PSD4: variants seen among roughly 807,000 people sequenced by gnomAD.
PSD4 encodes pleckstrin and Sec7 domain containing 4.
A neutral mutation model predicts 112.5 loss-of-function variants in PSD4; 59 were observed. That is an observed-to-expected ratio of 0.52 (90% CI 0.43 to 0.65). The LOEUF (loss-of-function observed/expected upper bound fraction) is 0.65. Ranked by LOEUF, PSD4 falls within the 30% of genes least tolerant of loss-of-function variation. The pLI, the probability that PSD4 is intolerant of heterozygous loss-of-function variation, is 0.00. For synonymous variants in PSD4, 533 were observed against 540.0 expected (o/e 0.99, Z 0.18); for missense variants, 1,267 against 1,352.6 (o/e 0.94, Z 0.99).
In PSD4 at chr2:113,209,378, TAAAC is replaced by T. The variant is rs1287823745; in HGVS notation, c.*7967_*7970del. ...GAATATATTAATATTTAAAATAAAA[TAAAC>T]AAAATGTCAGTGTGTGTGTGTGTCT... On this transcript the variant is annotated 3_prime_UTR_variant, in exon 17 of 17. Transcript: ENST00000245796. The T allele has an allele frequency of 2.0e-5, 3 of 152,160 alleles. No individual in the cohort carries two copies. Among genetic ancestry groups the T allele is most frequent in the African/African-American group, 4.8e-5 (2 of 41,426 alleles). The allele number at this position is 152,160 out of a possible 1,614,324, so 9.4% of individuals were successfully genotyped here.
chr2:113,185,186 A>G (rs1688259922), intron 3 of PSD4, 113 bp downstream of exon 3: 7 of 1,569,348 alleles, frequency 4.5e-6, no homozygotes, highest in Middle Eastern at 1.7e-4. Context: ...GGCTTCTCAC[A>G]TCAGGACTCC....
At chr2:113,181,246 C>T (rs1232522542) in intron 1 of PSD4, among the ~76,000 whole-genome samples, 1 of 147,644 alleles carries the variant, frequency 6.8e-6, no homozygotes, top group South Asian at 2.1e-4. Flanking sequence ...AAAAAAAAGA[C>T]AGCTGCCAGG....
At chr2:113,177,338 C>T (rs1447842360) in intron 1 of PSD4, among the ~76,000 whole-genome samples, 2 of 152,230 alleles carry the variant, frequency 1.3e-5, no homozygotes, top group African/African-American at 4.8e-5. Flanking sequence ...GAGGATCCAT[C>T]CCATCAGTGT....
At position 113,192,517 on chromosome 2, in the gene PSD4, G is replaced by T; in HGVS notation, c.1766G>T (p.Trp589Leu). The change falls in exon 6 of 17, where the codon TGG becomes TTG. Residue 589 changes from tryptophan to leucine, a missense_variant. This residue lies in a region of PSD4 where 544 missense variants were observed against 648.6 expected (regional missense o/e 0.84). Coordinates refer to ENST00000245796, the MANE Select transcript of PSD4 (RefSeq NM_012455.3). The part of the protein sequence containing the change: ...ANGVRNNKVA[W>L]NLASRLYRLE... ...GGCGTCAGGAACAACAAGGTAGCCT[G>T]GAACTTGGCCTCACGCCTCTATCGC... 1 of 1,614,236 alleles carries T rather than the reference G, an allele frequency of 6.2e-7. No homozygotes were observed. Among genetic ancestry groups the T allele is most frequent in the Non-Finnish European group, 8.5e-7 (1 of 1,180,038 alleles).
chr2:113,197,810 G>C lies in PSD4; in HGVS notation c.2521G>C (p.Gly841Arg), dbSNP rs1435622385. 1.2e-6 allele frequency: 2 copies of C among 1,611,556 alleles called. No homozygotes were observed. The highest frequency in any genetic ancestry group is 2.2e-5 in the East Asian group (1 of 44,820). ...LVGQMVDEPVGVHHSLATPAT... is the reference protein window; with the variant it reads ...LVGQMVDEPVRVHHSLATPAT... ...GGGGCAGATGGTGGATGAGCCCGTG[G>C]GGGTGCACCACTCGCTGGCCACCCC... Residue 841 changes from glycine to arginine, a missense_variant, in exon 14 of 17, where the codon GGG (glycine) becomes CGG (arginine). Transcript: ENST00000245796.
chr2:113,197,804 C>A lies in PSD4; in HGVS notation c.2515C>A (p.Pro839Thr). ...CTTGGTGGGGCAGATGGTGGATGAGCCCGTGGGGGTGCACCACTCGCTGGC... is the reference window on the plus strand; with the variant it reads ...CTTGGTGGGGCAGATGGTGGATGAGACCGTGGGGGTGCACCACTCGCTGGC... ...ESLVGQMVDE[P>T]VGVHHSLATP... Residue 839 changes from proline (P) to threonine (T), a missense_variant, in exon 14 of 17, where the codon CCC becomes ACC. Physicochemically the swap from Pro to Thr is conservative, Grantham distance 38. Around this residue, in one of 2 missense-constraint regions of PSD4, gnomAD observed 544 missense variants for 648.6 expected, o/e 0.84. Transcript: ENST00000245796. The A allele has an allele frequency of 1.2e-6, 2 of 1,611,626 alleles. No individual in the cohort carries two copies. Among genetic ancestry groups the A allele is most frequent in the Non-Finnish European group, 1.7e-6 (2 of 1,178,204 alleles).
In PSD4 at chr2:113,182,416, C is replaced by A; in HGVS notation, c.-41C>A. On this transcript the variant is annotated 5_prime_UTR_variant, in exon 2 of 17. Coordinates refer to ENST00000245796, the MANE Select transcript of PSD4 (RefSeq NM_012455.3). ...AGTCCACACAGTGAGACCGTGAAAG[C>A]AGATGCTCCGGGGCACTCCTGGGCA... is the stretch of plus-strand genomic sequence containing the variant. The A allele has an allele frequency of 6.6e-7, 1 of 1,522,696 alleles. No individual in the cohort carries two copies. Among genetic ancestry groups the A allele is most frequent in the Non-Finnish European group, 8.9e-7 (1 of 1,120,496 alleles). 94.3% of individuals were successfully genotyped at this position (1,522,696 alleles called of 1,614,324 possible). A position where few individuals can be genotyped will look rare whatever the true frequency, so the allele number is the denominator to read the frequency against.
At chr2:113,176,978 C>A (rs1332950199) in intron 1 of PSD4, among the ~76,000 whole-genome samples, 2 of 152,204 alleles carry the variant, frequency 1.3e-5, no homozygotes, top group African/African-American at 4.8e-5. Context: ...CAGGCAAGAG[C>A]AATTAAAAAA....
At chr2:113,182,034 T>C (rs1470561400) in intron 1 of PSD4, among the ~76,000 whole-genome samples, 1 of 152,218 alleles carries the variant, frequency 6.6e-6, no homozygotes, top group Non-Finnish European at 1.5e-5. Context: ...GTCTCCACAC[T>C]CTCCAATCCA....
chr2:113,192,017 A>G (rs1200865567), intron 5 of PSD4, among the ~76,000 whole-genome samples: 1 of 151,814 alleles, frequency 6.6e-6, no homozygotes, highest in Non-Finnish European at 1.5e-5. Context: ...GAGGTACAGG[A>G]GGACCACAGG....
At chr2:113,197,326 G>A in intron 12 of PSD4, 1 of 581,034 alleles carries the variant, frequency 1.7e-6, no homozygotes, top group Non-Finnish European at 3.1e-6. Flanking sequence ...ATATTTGGAT[G>A]TGAGTGGTTC....
chr2:113,195,560 G>T (rs1688584380), intron 10 of PSD4, among the ~76,000 whole-genome samples, 167 bp from the exon 11 acceptor site: 1 of 91,440 alleles, frequency 1.1e-5, no homozygotes. Context: ...TGGATGGATG[G>T]ATGGATGGAT....
chr2:113,175,011 C>T (rs569001159), intron 1 of PSD4, among the ~76,000 whole-genome samples: 48 of 152,254 alleles, frequency 3.2e-4, no homozygotes, highest in African/African-American at 8.9e-4. Context: ...TAGAGCATCC[C>T]GTGGCCCCCT....
Position 113,201,483 on chromosome 2 carries a change from A to G in PSD4, c.*68A>G. On this transcript the variant is annotated 3_prime_UTR_variant, in exon 17 of 17. Coordinates refer to ENST00000245796, the MANE Select transcript of PSD4 (RefSeq NM_012455.3). Reference sequence around the variant, plus strand: ...GACCTGAGATGAACCTCCCTGGAGGAGACTTATTTCAATGAGTCCACCATG... The same window carrying G: ...GACCTGAGATGAACCTCCCTGGAGGGGACTTATTTCAATGAGTCCACCATG... The G allele has an allele frequency of 6.4e-7, 1 of 1,573,450 alleles. No homozygotes were observed. Among genetic ancestry groups the G allele is most frequent in the Non-Finnish European group, 8.6e-7 (1 of 1,158,702 alleles).
intron 12 of PSD4, 164 bp from the exon 13 acceptor site, chr2:113,197,400 T>C (rs1037025935): frequency 1.4e-6 from 1 of 738,262 alleles, no homozygotes; most frequent in African/African-American, 1.7e-5. Context: ...TGTTTACGAT[T>C]GTATGTGTTT....
rs1688701461 is a variant in PSD4, at chr2:113,199,122, G to T, written c.2809G>T (p.Ala937Ser). ...ATCCCACGAGAACTGCCTGGACGCT[G>T]CCGCGGACGACCTGCTGGATCTACA... ...HRSHENCLDA[A>S]ADDLLDLQRN... Residue 937 changes from alanine (A) to serine (S), a missense_variant, in exon 16 of 17, where the codon GCC (alanine) becomes TCC (serine). By Grantham distance (99) the Ala-to-Ser change is moderately conservative. Coordinates refer to ENST00000245796, the MANE Select transcript of PSD4 (RefSeq NM_012455.3). The T allele has an allele frequency of 8.5e-6, 13 of 1,531,148 alleles. No homozygotes were observed. Among genetic ancestry groups the T allele is most frequent in the Non-Finnish European group, 1.1e-5 (13 of 1,140,948 alleles). The allele number at this position is 1,531,148 out of a possible 1,614,324, so 94.8% of individuals were successfully genotyped here.
chr2:113,192,076 C>T (rs78032146), intron 5 of PSD4, among the ~76,000 whole-genome samples: 1 of 151,690 alleles, frequency 6.6e-6, no homozygotes, highest in Admixed American at 6.6e-5. Context: ...GAAAACAACG[C>T]TAGGGGCCTC....
chr2:113,177,058 A>G (rs1687999388), intron 1 of PSD4, among the ~76,000 whole-genome samples: 1 of 152,206 alleles, frequency 6.6e-6, no homozygotes, highest in South Asian at 2.1e-4. Flanking sequence ...CACAAACAAG[A>G]CAATTGAATG....
Position 113,182,489 on chromosome 2 carries a change from C to G in PSD4, c.33C>G (p.Pro11=), listed in dbSNP as rs758509252. Residue 11 remains proline, a synonymous_variant, in exon 2 of 17, where the codon CCC becomes CCG. Transcript: ENST00000245796. ...GTGACTACAGACTCCCTGACCACCC[C>G]CAGCCCATGGAAATTCTCAACCTGT... The part of the protein sequence containing the change: MMGDYRLPDH[P]QPMEILNLYL... 6.2e-7 allele frequency: 1 copy of G among 1,613,740 alleles called. No homozygotes were observed. Among genetic ancestry groups the G allele is most frequent in the African/African-American group, 1.3e-5 (1 of 74,922 alleles).
Sources: gnomAD v4.1 joint callset for allele counts (sites outside exome capture counted in the v4.1 genomes callset) on GRCh38, gnomAD v4.1.1 for gene constraint, gnomAD v4.1.1 regional missense constraint, MANE v1.5 for transcripts, NCBI Gene and HGNC (gene_info 2026-07-23, HGNC 2026-07-21) for gene names.